SLC8A1: variants seen among roughly 807,000 people sequenced by gnomAD.
The protein encoded by SLC8A1 is solute carrier family 8 member A1.
In SLC8A1, 18 loss-of-function variants were observed where a neutral mutation model predicts 68.3. The observed-to-expected ratio is 0.26, with a 90% CI of 0.18 to 0.39. The LOEUF (loss-of-function observed/expected upper bound fraction) is 0.39. SLC8A1 is among the 10% of genes least tolerant of loss of function. SLC8A1 has a pLI of 1.00. For synonymous variants in SLC8A1, 475 were observed against 415.5 expected (o/e 1.14, Z -1.74); for missense variants, 985 against 1,156.7 (o/e 0.85, Z 2.15).
At chr2:40,263,891 C>G (rs565650828) in intron 2 of SLC8A1, among the ~76,000 whole-genome samples, 5 of 152,250 alleles carry the variant, frequency 3.3e-5, no homozygotes, top group Non-Finnish European at 5.9e-5. Flanking sequence ...GCAAAAGAAA[C>G]TACCATCAGA....
chr2:40,262,097 G>C (rs1036858297), intron 2 of SLC8A1, among the ~76,000 whole-genome samples: 3 of 151,986 alleles, frequency 2.0e-5, no homozygotes, highest in Admixed American at 6.6e-5. Context: ...TTAGTAGCTG[G>C]GACTACAGGC....
At chr2:40,229,820 A>G (rs1280238297) in intron 2 of SLC8A1, among the ~76,000 whole-genome samples, 1 of 152,200 alleles carries the variant, frequency 6.6e-6, no homozygotes, top group Non-Finnish European at 1.5e-5. Context: ...ACAGTTATGC[A>G]CATGTAAAAA....
At chr2:40,241,056 C>A (rs1471465939) in intron 2 of SLC8A1, among the ~76,000 whole-genome samples, 1 of 152,166 alleles carries the variant, frequency 6.6e-6, no homozygotes, top group African/African-American at 2.4e-5. Flanking sequence ...CTTGCACGTT[C>A]ATCACTATGC....
intron 2 of SLC8A1, among the ~76,000 whole-genome samples, chr2:40,302,436 A>ATT (rs1436289883): frequency 5.0e-5 from 6 of 121,158 alleles, no homozygotes; most frequent in East Asian, 2.5e-4. Flanking sequence ...GTAGTATTCC[A>ATT]TTGTGTGTGT....
intron 2 of SLC8A1, among the ~76,000 whole-genome samples, chr2:40,408,242 G>A (rs528852867): frequency 3.3e-5 from 5 of 152,170 alleles, no homozygotes; most frequent in Admixed American, 6.5e-5. Flanking sequence ...AACCAGATAC[G>A]CCTGATCTAA....
Position 40,128,627 on chromosome 2 carries a change from G to C in SLC8A1, c.2437+10774C>G, listed in dbSNP as rs545538478. Among the ~76,000 whole-genome samples, 3 of 152,280 alleles carry C rather than the reference G, an allele frequency of 2.0e-5. No individual in the cohort carries two copies. The East Asian group carries it at 5.8e-4, about 29-fold the overall frequency. On this transcript the variant is annotated intron_variant, in intron 7 of 7. Transcript: ENST00000406785. ...ATCAGGTACTGCCCTAAGAGTCACA[G>C]TGCTAATTCTAAGCGCCATTGTGTG...
Position 40,140,318 on chromosome 2 carries a change from A to C in SLC8A1, c.2162-642T>G, listed in dbSNP as rs540712497. On this transcript the variant is annotated intron_variant, in intron 6 of 7. Transcript: ENST00000406785. ...CTTTCTCCTACTTTTGTTCTTTAGA[A>C]CTAAATGTGCTTGGCATATCCTAAT... Among the ~76,000 whole-genome samples the C allele has an allele frequency of 2.6e-5, 4 of 152,292 alleles. No homozygotes were observed. In the East Asian group the frequency reaches 7.7e-4, roughly 29 times the overall value.
intron 2 of SLC8A1, among the ~76,000 whole-genome samples, chr2:40,182,601 A>T (rs2049829578): frequency 6.6e-6 from 1 of 152,202 alleles, no homozygotes; most frequent in African/African-American, 2.4e-5. Context: ...CCAAACCAAC[A>T]TCTATACTTT....
chr2:40,112,898 A>C (rs767150868), exon 8 of SLC8A1: 2 of 152,362 alleles, frequency 1.3e-5, no homozygotes, highest in Non-Finnish European at 2.9e-5. Context: ...ATGCTCTCTT[A>C]GTTAAAGAAA....
chr2:40,170,226 A>G, intron 4 of SLC8A1, 55 bp downstream of exon 7: 1 of 1,495,252 alleles, frequency 6.7e-7, no homozygotes, highest in South Asian at 1.1e-5. Flanking sequence ...AATGTCTCTA[A>G]CATTAAAGAA....
At chr2:40,391,865 T>C (rs554947080) in intron 2 of SLC8A1, among the ~76,000 whole-genome samples, 1 of 152,174 alleles carries the variant, frequency 6.6e-6, no homozygotes, top group African/African-American at 2.4e-5. Context: ...CTCAGCCTCA[T>C]GTCACTAGGC....
rs187175628 is a variant in SLC8A1 at position 40,150,999 on chromosome 2, C to A, written c.2161+9766G>T. ...AAATAGTTTATATCTGGAACTTACT[C>A]TGTCTTTCTTCTTAGTCATGTCCTC... On this transcript the variant is annotated intron_variant, in intron 6 of 7. Transcript: ENST00000406785. Among the ~76,000 whole-genome samples, 48 of 152,252 alleles carry A rather than the reference C, an allele frequency of 3.2e-4. 1 individual carries two copies. In the East Asian group the frequency reaches 9.1e-3, roughly 29 times the overall value.
intron 2 of SLC8A1, among the ~76,000 whole-genome samples, chr2:40,311,118 T>C (rs1056279628): frequency 1.8e-4 from 28 of 152,244 alleles, no homozygotes; most frequent in African/African-American, 6.3e-4. Context: ...TATCAATCTA[T>C]AGGTTTAAGA....
intron 2 of SLC8A1, among the ~76,000 whole-genome samples, chr2:40,331,823 C>G (rs184284374): frequency 1.3e-5 from 2 of 152,170 alleles, no homozygotes; most frequent in African/African-American, 4.8e-5. Flanking sequence ...GAACTCCTGA[C>G]CTCAGGTGAT....
At chr2:40,353,938 C>T (rs1032104252) in intron 2 of SLC8A1, among the ~76,000 whole-genome samples, 4 of 152,174 alleles carry the variant, frequency 2.6e-5, no homozygotes, top group Admixed American at 6.5e-5. Flanking sequence ...ATTGAATAAG[C>T]GTACCATTTT....
At chr2:40,251,954 A>T (rs2062825065) in intron 2 of SLC8A1, among the ~76,000 whole-genome samples, 1 of 152,170 alleles carries the variant, frequency 6.6e-6, no homozygotes, top group South Asian at 2.1e-4. Flanking sequence ...TAGAGTGTAT[A>T]ATACCAAAAA....
intron 2 of SLC8A1, among the ~76,000 whole-genome samples, chr2:40,293,723 C>T (rs1375133737): frequency 1.3e-5 from 2 of 152,036 alleles, no homozygotes; most frequent in Non-Finnish European, 2.9e-5. Flanking sequence ...GAAAAGTCCT[C>T]GATTAGGTGC....
intron 2 of SLC8A1, among the ~76,000 whole-genome samples, chr2:40,417,279 A>G (rs1694163258): frequency 6.6e-6 from 1 of 152,138 alleles, no homozygotes; most frequent in Admixed American, 6.6e-5. Flanking sequence ...TAATATGCAT[A>G]GTACCAAATA....
At chr2:40,310,942 C>A (rs1575288437) in intron 2 of SLC8A1, among the ~76,000 whole-genome samples, 1 of 151,992 alleles carries the variant, frequency 6.6e-6, no homozygotes, top group Non-Finnish European at 1.5e-5. Context: ...GTTCTTTGAC[C>A]TAATTTTTAT....
Sources: gnomAD v4.1 joint callset for allele counts (sites outside exome capture counted in the v4.1 genomes callset) on GRCh38, gnomAD v4.1.1 for gene constraint, MANE v1.5 for transcripts, NCBI Gene and HGNC (gene_info 2026-07-23, HGNC 2026-07-21) for gene names.